Variants in MALL observed in about 807,000 individuals in gnomAD.
MALL encodes the protein MAL-like protein.
In MALL, 2 loss-of-function variants were observed where a neutral mutation model predicts 10.3. The ratio of observed to expected loss-of-function variants is 0.19; its 90% CI spans 0.08 to 0.61. The LOEUF is 0.61. MALL is among the 20% of genes least tolerant of loss of function. MALL has a pLI of 0.88. For synonymous variants in MALL, 27 were observed against 51.8 expected (o/e 0.52, Z 2.05); for missense variants, 39 against 115.2 (o/e 0.34, Z 3.03).
intron 1 of MALL, among the ~76,000 whole-genome samples, chr2:110,108,244 G>C (rs1194069578): frequency 6.6e-6 from 1 of 152,050 alleles, no homozygotes; most frequent in East Asian, 1.9e-4. Context: ...ATCAGGGAGG[G>C]ACCAGAAAAA....
chr2:110,097,627 C>G (rs1165650500), intron 1 of MALL: 1 of 444,580 alleles, frequency 2.2e-6, no homozygotes, highest in Non-Finnish European at 4.5e-6. Context: ...AAGGATATGT[C>G]AAAAAGATGC....
chr2:110,096,682 T>A (rs1303532973), intron 1 of MALL, among the ~76,000 whole-genome samples: 1 of 151,162 alleles, frequency 6.6e-6, no homozygotes, highest in African/African-American at 2.4e-5. Context: ...GAGTTGATGA[T>A]GGCTTTGGTC....
intron 1 of MALL, among the ~76,000 whole-genome samples, chr2:110,115,295 T>C (rs1030469121): frequency 6.6e-6 from 1 of 152,160 alleles, no homozygotes; most frequent in Non-Finnish European, 1.5e-5. Context: ...CTGGGAAGCC[T>C]GGATATTTTA....
At chr2:110,110,706 T>C (rs1246617122) in intron 1 of MALL, among the ~76,000 whole-genome samples, 1 of 152,124 alleles carries the variant, frequency 6.6e-6, no homozygotes, top group African/African-American at 2.4e-5. Context: ...GAACCCTCCC[T>C]AATTCATTCT....
At chr2:110,118,015 A>G (rs568734297), upstream of MALL, among the ~76,000 whole-genome samples, 167 of 151,300 alleles carry the variant, frequency 1.1e-3, no homozygotes, top group African/African-American at 4.0e-3. Flanking sequence ...TGGGAAACTC[A>G]CCAACAGCTT....
At chr2:110,099,340 G>A (rs1384774522) in intron 1 of MALL, among the ~76,000 whole-genome samples, 1 of 152,206 alleles carries the variant, frequency 6.6e-6, no homozygotes, top group Non-Finnish European at 1.5e-5. Context: ...GACTGTGAAA[G>A]TGCCAAGTGT....
At chr2:110,114,821 G>C (rs1486496194) in intron 1 of MALL, among the ~76,000 whole-genome samples, 4 of 151,970 alleles carry the variant, frequency 2.6e-5, no homozygotes, top group African/African-American at 9.7e-5. Flanking sequence ...CCACAAGCTA[G>C]ATACTTCAGA....
intron 1 of MALL, among the ~76,000 whole-genome samples, chr2:110,102,505 A>C (rs1045552363): frequency 1.3e-5 from 2 of 152,138 alleles, no homozygotes; most frequent in Non-Finnish European, 2.9e-5. Flanking sequence ...TCACTGACTC[A>C]CTTGAGAAAG....
intron 2 of MALL, among the ~76,000 whole-genome samples, chr2:110,090,007 C>CA (rs1362680653): frequency 3.2e-5 from 2 of 61,604 alleles, no homozygotes; most frequent in Admixed American, 1.8e-4. Flanking sequence ...CCATGCAAGG[C>CA]ATGCCTTGCT....
chr2:110,112,820 T>C (rs1678831892), intron 1 of MALL, among the ~76,000 whole-genome samples: 1 of 151,408 alleles, frequency 6.6e-6, no homozygotes, highest in South Asian at 2.1e-4. Flanking sequence ...ATTGTGAAAT[T>C]GTGTAACCAA....
intron 1 of MALL, among the ~76,000 whole-genome samples, chr2:110,096,112 C>G (rs1038436672): frequency 1.3e-5 from 2 of 152,134 alleles, no homozygotes; most frequent in Non-Finnish European, 2.9e-5. Context: ...ACCCTCCGGG[C>G]GGCACTCCAA....
intron 1 of MALL, among the ~76,000 whole-genome samples, chr2:110,112,156 T>C (rs1678816022): frequency 1.3e-5 from 2 of 152,134 alleles, no homozygotes; most frequent in South Asian, 4.1e-4. Flanking sequence ...GCAAAACCCT[T>C]CTAGACATTG....
At chr2:110,104,201 T>C (rs1678638170) in intron 1 of MALL, among the ~76,000 whole-genome samples, 1 of 152,144 alleles carries the variant, frequency 6.6e-6, no homozygotes, top group South Asian at 2.1e-4. Flanking sequence ...CCTCTGTCCC[T>C]GATTCTGGGG....
intron 1 of MALL, among the ~76,000 whole-genome samples, chr2:110,100,474 C>T (rs1678538875): frequency 6.6e-6 from 1 of 151,192 alleles, no homozygotes; most frequent in Non-Finnish European, 1.5e-5. Context: ...CTCTGTCCCC[C>T]ACCCTAAAAA....
intron 1 of MALL, among the ~76,000 whole-genome samples, chr2:110,099,341 T>C (rs1678513474): frequency 2.0e-5 from 3 of 152,168 alleles, no homozygotes; most frequent in Non-Finnish European, 4.4e-5. Context: ...ACTGTGAAAG[T>C]GCCAAGTGTA....
At chr2:110,099,608 C>T (rs1179062373) in intron 1 of MALL, among the ~76,000 whole-genome samples, 1 of 152,116 alleles carries the variant, frequency 6.6e-6, no homozygotes, top group Non-Finnish European at 1.5e-5. Context: ...GAGTGAGCTC[C>T]CCACCTGGGA....
chr2:110,113,993 G>A lies in MALL; in HGVS notation c.105+1695C>T, dbSNP rs1010485423. Reference sequence around the variant, plus strand: ...TTGAGCCCCTCACCCCCCACAACACGTAAGGCCCCAGAGCCCAACACCAGC... The same window carrying A: ...TTGAGCCCCTCACCCCCCACAACACATAAGGCCCCAGAGCCCAACACCAGC... On this transcript the variant is annotated intron_variant, in intron 1 of 3. Transcript: ENST00000272462. 3.9e-5 allele frequency among the ~76,000 whole-genome samples: 6 copies of A among 151,916 alleles called. No homozygotes were observed. The East Asian group carries it at 5.8e-4, about 15-fold the overall frequency.
intron 1 of MALL, among the ~76,000 whole-genome samples, chr2:110,113,339 G>A (rs1040812076): frequency 6.7e-6 from 1 of 150,276 alleles, no homozygotes; most frequent in Non-Finnish European, 1.5e-5. Flanking sequence ...TCGGGAGGCT[G>A]AGGCAGGAGA....
intron 1 of MALL, among the ~76,000 whole-genome samples, chr2:110,112,529 G>T (rs952387056): frequency 4.3e-4 from 66 of 152,036 alleles, no homozygotes; most frequent in African/African-American, 1.5e-3. Context: ...AAACCACATT[G>T]TGAAACCACC....
Sources: allele counts gnomAD v4.1 joint callset (sites outside exome capture counted in the v4.1 genomes callset), GRCh38; gene constraint gnomAD v4.1.1; transcripts MANE v1.5; gene names NCBI Gene and HGNC (gene_info 2026-07-23, HGNC 2026-07-21).